Variants in CRTC3 observed in about 807,000 individuals in gnomAD.
The protein encoded by CRTC3 is CREB regulated transcription coactivator 3, also known as CREB-regulated transcription coactivator 3.
Under a neutral mutation model 74.5 loss-of-function variants are expected in CRTC3, and 26 were observed. The observed-to-expected ratio is 0.35, with a 90% CI of 0.26 to 0.48. The LOEUF (loss-of-function observed/expected upper bound fraction) is 0.48, where lower values mean the gene tolerates loss of function less well. Among genes scored for constraint, CRTC3 ranks in the 20% least tolerant of loss-of-function variants. The probability of loss-of-function intolerance (pLI) is 0.99; values close to 1 mark genes in which losing one functional copy is unlikely to be tolerated. For missense variants in CRTC3, 760 were observed against 787.3 expected, an observed-to-expected ratio of 0.97 and a Z score of 0.41; for synonymous variants, 377 against 325.8, an observed-to-expected ratio of 1.16 and a Z score of -1.69.
chr15:90,531,207 T>C (rs930092822), intron 1 of CRTC3, among the ~76,000 whole-genome samples: 1 of 152,198 alleles, frequency 6.6e-6, no homozygotes, highest in African/African-American at 2.4e-5. Context: ...AATTTTTAAA[T>C]TGGAAGACTT....
intron 2 of CRTC3, 103 bp from the exon 3 acceptor site, chr15:90,593,533 A>T: frequency 7.3e-7 from 1 of 1,374,818 alleles, no homozygotes; most frequent in South Asian, 1.4e-5. Flanking sequence ...AATAAGTAAA[A>T]CTGTAAAATC....
chr15:90,546,091 T>C (rs1247203535), intron 2 of CRTC3, among the ~76,000 whole-genome samples: 2 of 152,334 alleles, frequency 1.3e-5, no homozygotes, highest in East Asian at 3.8e-4. Flanking sequence ...TTTGTGCTTT[T>C]GTCTTATCTA....
intron 2 of CRTC3, among the ~76,000 whole-genome samples, chr15:90,548,187 C>G (rs1966847986): frequency 6.6e-6 from 1 of 152,198 alleles, no homozygotes. Context: ...CCACTCCCAG[C>G]CTCGTATCCT....
rs923437861 is a variant in CRTC3, at chr15:90,644,175, C to G, written c.*2035C>G. Reference sequence around the variant, plus strand: ...GAAGGGCCTGCTGGCCTGCCCTGTTCCCAGTTACACTTTCAGATCCCTTTG... The same window carrying G: ...GAAGGGCCTGCTGGCCTGCCCTGTTGCCAGTTACACTTTCAGATCCCTTTG... On this transcript the variant is annotated 3_prime_UTR_variant, in exon 15 of 15. Transcript: ENST00000268184. The G allele has an allele frequency of 6.1e-5, 14 of 227,906 alleles. No individual in the cohort carries two copies. Among genetic ancestry groups the G allele is most frequent in the African/African-American group, 2.9e-4 (13 of 45,026 alleles). 14.1% of individuals were successfully genotyped at this position (227,906 alleles called of 1,614,324 possible).
rs776745542 is a variant in CRTC3, at chr15:90,641,205, C to G, written c.1651+6C>G. ...CCCGAACACCATCCTGCCAGGTGAG[C>G]GAGCTATCCCTCAGCTTCTTTACTG... On this transcript the variant is annotated splice_donor_region_variant and intron_variant, in intron 14 of 14. Transcript: ENST00000268184. 6.3e-7 allele frequency: 1 copy of G among 1,577,252 alleles called. No homozygotes were observed. The highest frequency in any genetic ancestry group is 1.7e-5 in the Admixed American group (1 of 59,890).
At chr15:90,597,624 AG>A (rs1025047289) in intron 3 of CRTC3, among the ~76,000 whole-genome samples, 2 of 152,242 alleles carry the variant, frequency 1.3e-5, no homozygotes, top group Non-Finnish European at 2.9e-5. Flanking sequence ...CGTATATATC[AG>A]GGCTCTGAAA....
At chr15:90,588,630 C>G (rs1371479588) in intron 2 of CRTC3, among the ~76,000 whole-genome samples, 1 of 152,126 alleles carries the variant, frequency 6.6e-6, no homozygotes, top group Non-Finnish European at 1.5e-5. Flanking sequence ...TCATCCCAGG[C>G]TGCAGCTGGG....
chr15:90,539,112 G>T (rs769416855), intron 1 of CRTC3, among the ~76,000 whole-genome samples: 8 of 152,154 alleles, frequency 5.3e-5, no homozygotes, highest in Non-Finnish European at 1.0e-4. Context: ...TCTGCCCCAG[G>T]GCTCTCGTCT....
chr15:90,638,254 A>T (rs1969309997), intron 11 of CRTC3, 192 bp from the exon 12 acceptor site: 1 of 572,638 alleles, frequency 1.7e-6, no homozygotes, highest in South Asian at 2.3e-5. Context: ...CATTGAATGG[A>T]ACATGCTTTG....
intron 2 of CRTC3, among the ~76,000 whole-genome samples, chr15:90,572,380 C>T (rs1346644007): frequency 6.6e-6 from 1 of 152,002 alleles, no homozygotes; most frequent in Middle Eastern, 3.4e-3. Context: ...GTTATGATAT[C>T]GTGTTGGATA....
intron 2 of CRTC3, among the ~76,000 whole-genome samples, chr15:90,548,097 C>G (rs1966847738): frequency 6.6e-6 from 1 of 151,996 alleles, no homozygotes; most frequent in South Asian, 2.1e-4. Flanking sequence ...CTATGTTGCC[C>G]AGGCTGGTCT....
chr15:90,640,071 A>G (rs766946012), intron 13 of CRTC3, among the ~76,000 whole-genome samples: 1 of 151,962 alleles, frequency 6.6e-6, no homozygotes, highest in Non-Finnish European at 1.5e-5. Context: ...TAAAATAATA[A>G]TAATAAAATA....
chr15:90,545,940 T>G (rs572349633), intron 2 of CRTC3, among the ~76,000 whole-genome samples: 79 of 152,296 alleles, frequency 5.2e-4, no homozygotes, highest in African/African-American at 1.9e-3. Context: ...GTTTATATAT[T>G]CTGGATACCA....
chr15:90,580,835 GTTTCAGGGACCAGTTC>G (rs1232822597), intron 2 of CRTC3, among the ~76,000 whole-genome samples: 1 of 152,078 alleles, frequency 6.6e-6, no homozygotes, highest in Admixed American at 6.5e-5. Context: ...GGAGAATCTG[GTTTCAGGGACCAGTTC>G]TTCCATTTTT....
chr15:90,575,321 A>G (rs913383492), intron 2 of CRTC3, among the ~76,000 whole-genome samples: 7 of 152,254 alleles, frequency 4.6e-5, no homozygotes, highest in Admixed American at 3.9e-4. Context: ...ATTGCACTCT[A>G]GACTGGGCTA....
intron 2 of CRTC3, among the ~76,000 whole-genome samples, chr15:90,573,709 T>TA (rs530904531): frequency 9.8e-5 from 15 of 152,340 alleles, no homozygotes; most frequent in Non-Finnish European, 1.8e-4. Flanking sequence ...AACTTTGTAA[T>TA]ATGTTCTTTG....
At position 90,544,242 on chromosome 15, in the gene CRTC3, C is replaced by T. The variant is rs79586663; in HGVS notation, c.231+4105C>T. On this transcript the variant is annotated intron_variant, in intron 2 of 14. Coordinates refer to ENST00000268184, the MANE Select transcript of CRTC3 (RefSeq NM_022769.5). ...CTTACTCTCTGCCTCTGTCATCACA[C>T]GACTTTCTTCATTGTTTGTCTGTGT... Among the ~76,000 whole-genome samples, 365 of 152,306 alleles carry T rather than the reference C, an allele frequency of 2.4e-3. 4 individuals carry two copies. Among genetic ancestry groups the T allele is most frequent in the African/African-American group, 8.4e-3 (350 of 41,568 alleles).
At chr15:90,617,510 T>G (rs1271184602) in intron 7 of CRTC3, among the ~76,000 whole-genome samples, 1 of 152,138 alleles carries the variant, frequency 6.6e-6, no homozygotes, top group Non-Finnish European at 1.5e-5. Flanking sequence ...GTAGGTAGGA[T>G]GGATGCTTTC....
intron 2 of CRTC3, among the ~76,000 whole-genome samples, chr15:90,548,481 A>G (rs1276736120): frequency 6.6e-6 from 1 of 152,244 alleles, no homozygotes. Flanking sequence ...CAAGTAAGTA[A>G]GAGAACCAGG....
Sources: gnomAD v4.1 joint callset for allele counts (sites outside exome capture counted in the v4.1 genomes callset) on GRCh38, gnomAD v4.1.1 for gene constraint, MANE v1.5 for transcripts, NCBI Gene and HGNC (gene_info 2026-07-23, HGNC 2026-07-21) for gene names.